The following DTHD1 variants were observed in gnomAD, a reference collection of about 807,000 sequenced individuals.
DTHD1 encodes the protein death domain-containing protein 1.
A neutral mutation model predicts 74.8 loss-of-function variants in DTHD1; 59 were observed. The observed-to-expected ratio is 0.79, with a 90% CI of 0.64 to 0.98. The LOEUF is 0.98. DTHD1 is among the 50% of genes least tolerant of loss of function. The pLI, the probability that DTHD1 is intolerant of heterozygous loss-of-function variation, is 0.00. For missense variants in DTHD1, 1,051 were observed against 1,065.4 expected (o/e 0.99, Z 0.19); for synonymous variants, 365 against 371.1 (o/e 0.98, Z 0.19).
intron 8 of DTHD1, among the ~76,000 whole-genome samples, chr4:36,329,687 T>C (rs1247801531): frequency 6.6e-6 from 1 of 152,216 alleles, no homozygotes; most frequent in Non-Finnish European, 1.5e-5. Context: ...TAGTACAATA[T>C]ACACACCAGT....
chr4:36,335,730 C>G lies in DTHD1; in HGVS notation c.2341-3382C>G, dbSNP rs556262330. Reference sequence around the variant, plus strand: ...TTTGGAGGTTTCTTGGGAAATAACACTGGGTAATTGAGTAGATGTAACCAA... The same window carrying G: ...TTTGGAGGTTTCTTGGGAAATAACAGTGGGTAATTGAGTAGATGTAACCAA... On this transcript the variant is annotated intron_variant, in intron 8 of 9. Coordinates refer to ENST00000639862, the MANE Select transcript of DTHD1 (RefSeq NM_001170700.3). Among the ~76,000 whole-genome samples, 4 of 152,318 alleles carry G rather than the reference C, an allele frequency of 2.6e-5. No individual in the cohort carries two copies. The South Asian group carries it at 8.3e-4, about 32-fold the overall frequency.
intron 8 of DTHD1, among the ~76,000 whole-genome samples, chr4:36,335,084 ATAGT>A (rs1440255613): frequency 1.3e-5 from 2 of 152,236 alleles, no homozygotes; most frequent in African/African-American, 4.8e-5. Flanking sequence ...AAATTGTGTG[ATAGT>A]ATAGTGCATA....
intron 8 of DTHD1, among the ~76,000 whole-genome samples, chr4:36,325,125 C>A (rs1250386394): frequency 6.6e-6 from 1 of 152,158 alleles, no homozygotes; most frequent in Non-Finnish European, 1.5e-5. Context: ...TATGGAGGGC[C>A]TTTAATTCCT....
At chr4:36,342,294 G>A (rs961563005) in intron 9 of DTHD1, among the ~76,000 whole-genome samples, 1 of 152,180 alleles carries the variant, frequency 6.6e-6, no homozygotes, top group African/African-American at 2.4e-5. Context: ...TCGCAGAAAG[G>A]TGGCTTTGTA....
chr4:36,340,604 A>G (rs1269864919), intron 9 of DTHD1, among the ~76,000 whole-genome samples: 1 of 152,192 alleles, frequency 6.6e-6, no homozygotes, highest in African/African-American at 2.4e-5. Context: ...AGAAGGAAAG[A>G]CCATCATTGA....
intron 8 of DTHD1, among the ~76,000 whole-genome samples, chr4:36,333,211 T>C (rs1397529851): frequency 1.3e-5 from 2 of 152,074 alleles, no homozygotes; most frequent in African/African-American, 4.8e-5. Context: ...CATAATTATA[T>C]ATAGTACATG....
intron 8 of DTHD1, among the ~76,000 whole-genome samples, chr4:36,336,594 G>A (rs1413667838): frequency 6.6e-6 from 1 of 152,200 alleles, no homozygotes; most frequent in Non-Finnish European, 1.5e-5. Context: ...GTGTGATCCT[G>A]ACTTCAGCCT....
At position 36,308,244 on chromosome 4, in the gene DTHD1, C is replaced by A; in HGVS notation, c.1846C>A (p.His616Asn). Residue 616 changes from histidine (H) to asparagine (N), a missense_variant, in exon 7 of 10, where the codon CAT becomes AAT. By Grantham distance (68) the His-to-Asn change is moderately conservative. Transcript: ENST00000639862. ...CCTCTCTTCCACCATGGACAATAGT[C>A]ATTTGGTTACTTTTGTGAAATCTTT... ...LHLSSTMDNS[H>N]LVTFVKSLEE... is the part of the protein sequence containing the mutation. The A allele has an allele frequency of 6.4e-7, 1 of 1,552,260 alleles. No individual in the cohort carries two copies. The highest frequency in any genetic ancestry group is 1.7e-4 in the Middle Eastern group (1 of 5,998).
chr4:36,327,258 C>A (rs74907836), intron 8 of DTHD1, among the ~76,000 whole-genome samples: 5,218 of 152,194 alleles, frequency 0.034, 146 homozygotes, highest in South Asian at 0.13. Context: ...TGAGCCACCG[C>A]GCCTGGCCCA....
intron 7 of DTHD1, among the ~76,000 whole-genome samples, chr4:36,313,352 A>G (rs2109512759): frequency 6.6e-6 from 1 of 151,932 alleles, no homozygotes; most frequent in Non-Finnish European, 1.5e-5. Context: ...GGTTGATTTT[A>G]CACTTTGGGT....
chr4:36,302,197 G>A (rs1461774112), intron 5 of DTHD1, among the ~76,000 whole-genome samples: 3 of 152,168 alleles, frequency 2.0e-5, no homozygotes, highest in East Asian at 1.9e-4. Flanking sequence ...TACACCAAAC[G>A]AGGGCATTGC....
At chr4:36,293,320 T>C (rs1045581390) in intron 3 of DTHD1, among the ~76,000 whole-genome samples, 4 of 152,228 alleles carry the variant, frequency 2.6e-5, no homozygotes, top group African/African-American at 7.2e-5. Flanking sequence ...CTGTTTTTTA[T>C]TGTGTAGTCT....
At chr4:36,316,098 G>T in intron 7 of DTHD1, 144 bp from the exon 8 acceptor site, 1 of 694,550 alleles carries the variant, frequency 1.4e-6, no homozygotes, top group Non-Finnish European at 2.2e-6. Context: ...ACCACGCCCG[G>T]TTAATTTTTT....
intron 8 of DTHD1, among the ~76,000 whole-genome samples, chr4:36,324,156 T>C (rs1758201686): frequency 6.6e-6 from 1 of 151,778 alleles, no homozygotes. Context: ...TTCCTTTCTC[T>C]TGTTCCCTTT....
intron 8 of DTHD1, among the ~76,000 whole-genome samples, chr4:36,326,942 CA>C (rs1269782466): frequency 6.6e-6 from 1 of 151,036 alleles, no homozygotes; most frequent in African/African-American, 2.4e-5. Context: ...AAAGCCAAAC[CA>C]AAACAAGGAT....
chr4:36,318,762 C>G (rs1276714104), intron 8 of DTHD1, among the ~76,000 whole-genome samples: 3 of 151,914 alleles, frequency 2.0e-5, no homozygotes, highest in African/African-American at 2.4e-5. Flanking sequence ...CTACAGGCGC[C>G]CGCCACCACG....
At chr4:36,311,906 T>G (rs1757432821) in intron 7 of DTHD1, 3 of 152,218 alleles carry the variant, frequency 2.0e-5, no homozygotes, top group Non-Finnish European at 4.4e-5. Context: ...ATTAATAAAT[T>G]TAGATTACTG....
Position 36,343,596 on chromosome 4 carries a change from C to T in DTHD1, c.2493C>T (p.Ser831=). The change falls in exon 10 of 10, where the codon AGC becomes AGT. Residue 831 remains serine (S), a synonymous_variant. Transcript: ENST00000639862. ...SLSSTLPLRR[S]TIQLIKLKNP... is the part of the protein sequence containing the mutation. ...CCTCAACTCTCCCTCTGCGCCGTAGCACCATTCAGCTCATCAAACTCAAGA... is the reference window on the plus strand; with the variant it reads ...CCTCAACTCTCCCTCTGCGCCGTAGTACCATTCAGCTCATCAAACTCAAGA... The T allele has an allele frequency of 6.4e-7, 1 of 1,551,814 alleles. No homozygotes were observed. Among genetic ancestry groups the T allele is most frequent in the Non-Finnish European group, 8.7e-7 (1 of 1,146,960 alleles).
chr4:36,292,833 T>C (rs1282906637), intron 3 of DTHD1, among the ~76,000 whole-genome samples: 1 of 152,218 alleles, frequency 6.6e-6, no homozygotes, highest in Non-Finnish European at 1.5e-5. Flanking sequence ...CATTTTAAGC[T>C]TTGGTGATTA....
Sources: gnomAD v4.1 joint callset for allele counts (sites outside exome capture counted in the v4.1 genomes callset) on GRCh38, gnomAD v4.1.1 for gene constraint, MANE v1.5 for transcripts, NCBI Gene and HGNC (gene_info 2026-07-23, HGNC 2026-07-21) for gene names.